The following KCNH8 variants were observed in gnomAD, a reference collection of about 807,000 sequenced individuals.
KCNH8 encodes the protein potassium voltage-gated channel subfamily H member 8.
In KCNH8, 70 loss-of-function variants were observed where a neutral mutation model predicts 103.6. The ratio of observed to expected loss-of-function variants is 0.68; its 90% confidence interval spans 0.56 to 0.82. The LOEUF (loss-of-function observed/expected upper bound fraction) is 0.82. Among genes scored for constraint, KCNH8 ranks in the 40% least tolerant of loss-of-function variants. KCNH8 has a pLI of 0.00. For missense variants in KCNH8, 1,217 were observed against 1,329.9 expected (o/e 0.92, Z 1.32); for synonymous variants, 498 against 489.4 (o/e 1.02, Z -0.23).
Position 19,322,232 on chromosome 3 carries a change from A to G in KCNH8, c.443-20355A>G, listed in dbSNP as rs192645126. On this transcript the variant is annotated intron_variant, in intron 3 of 15. Transcript: ENST00000328405. ...GAGGTACTATTCTATTCATTGTGCT[A>G]TTTGTTACGTGAATACCTTTTTTTT... 1.3e-3 allele frequency among the ~76,000 whole-genome samples: 194 copies of G among 152,048 alleles called. 4 individuals carry two copies. Among genetic ancestry groups the G allele is most frequent in the Non-Finnish European group, 9.0e-4 (61 of 67,938 alleles).
At chr3:19,281,817 T>C (rs1483787147) in intron 3 of KCNH8, among the ~76,000 whole-genome samples, 1 of 152,110 alleles carries the variant, frequency 6.6e-6, no homozygotes. Flanking sequence ...CTGTACCTTA[T>C]TGTATATAAG....
At chr3:19,490,000 T>A (rs1393163367) in intron 11 of KCNH8, among the ~76,000 whole-genome samples, 1 of 152,184 alleles carries the variant, frequency 6.6e-6, no homozygotes, top group African/African-American at 2.4e-5. Context: ...TGCCAGTTCC[T>A]TCCCGGTGTT....
chr3:19,154,005 A>C (rs2063156392), intron 1 of KCNH8, among the ~76,000 whole-genome samples: 1 of 152,196 alleles, frequency 6.6e-6, no homozygotes, highest in Non-Finnish European at 1.5e-5. Flanking sequence ...TTTGGAATAA[A>C]TCAGGATTAT....
At chr3:19,284,929 A>G (rs1213258000) in intron 3 of KCNH8, among the ~76,000 whole-genome samples, 1 of 151,520 alleles carries the variant, frequency 6.6e-6, no homozygotes, top group African/African-American at 2.4e-5. Context: ...AGAAAAGAAA[A>G]AGAAAGGAAG....
At chr3:19,348,364 C>G (rs911405476) in intron 5 of KCNH8, among the ~76,000 whole-genome samples, 1 of 144,686 alleles carries the variant, frequency 6.9e-6, no homozygotes, top group Non-Finnish European at 1.6e-5. Flanking sequence ...CATGCCCTTC[C>G]GTGCCCTTTC....
At chr3:19,351,764 A>T (rs1033558340) in intron 5 of KCNH8, among the ~76,000 whole-genome samples, 2 of 152,178 alleles carry the variant, frequency 1.3e-5, no homozygotes, top group Admixed American at 6.5e-5. Flanking sequence ...AACAACCGGT[A>T]CCAGCCACTG....
chr3:19,151,093 A>G (rs2063124489), intron 1 of KCNH8, among the ~76,000 whole-genome samples: 3 of 152,110 alleles, frequency 2.0e-5, no homozygotes, highest in Admixed American at 2.0e-4. Context: ...TTTAGCCACA[A>G]ATTTTGGTAT....
chr3:19,168,679 C>A (rs1428064446), intron 1 of KCNH8, among the ~76,000 whole-genome samples: 3 of 152,296 alleles, frequency 2.0e-5, no homozygotes, highest in Non-Finnish European at 4.4e-5. Flanking sequence ...CATGTGCCAT[C>A]TGAGTGTTTG....
At chr3:19,489,468 G>C (rs1024533145) in intron 11 of KCNH8, among the ~76,000 whole-genome samples, 1 of 152,056 alleles carries the variant, frequency 6.6e-6, no homozygotes, top group Non-Finnish European at 1.5e-5. Flanking sequence ...ATTGATCTGG[G>C]TGCCCTGGCT....
At chr3:19,472,952 T>C (rs2067894041) in intron 11 of KCNH8, among the ~76,000 whole-genome samples, 1 of 152,244 alleles carries the variant, frequency 6.6e-6, no homozygotes, top group Non-Finnish European at 1.5e-5. Flanking sequence ...TTAAGTATTA[T>C]GAGCAAGGTA....
At chr3:19,222,098 C>T (rs919825085) in intron 1 of KCNH8, among the ~76,000 whole-genome samples, 1 of 152,142 alleles carries the variant, frequency 6.6e-6, no homozygotes, top group African/African-American at 2.4e-5. Context: ...ATCCTCCCGC[C>T]TCGGCCTCCC....
intron 1 of KCNH8, among the ~76,000 whole-genome samples, chr3:19,209,010 A>ATGTCTATATCTATACCTGTCTCTCC (rs1230951697): frequency 6.6e-6 from 1 of 151,962 alleles, no homozygotes; most frequent in Admixed American, 6.6e-5. Flanking sequence ...ATCTATATTT[A>ATGTCTATATCTATACCTGTCTCTCC]TGTCTATATC....
At chr3:19,273,069 A>T (rs2064612707) in intron 2 of KCNH8, among the ~76,000 whole-genome samples, 1 of 152,160 alleles carries the variant, frequency 6.6e-6, no homozygotes, top group African/African-American at 2.4e-5. Flanking sequence ...TTTGGATCCT[A>T]AACTAGATAA....
At chr3:19,440,250 A>G (rs2067262493) in intron 8 of KCNH8, among the ~76,000 whole-genome samples, 2 of 152,200 alleles carry the variant, frequency 1.3e-5, no homozygotes, top group South Asian at 4.1e-4. Flanking sequence ...TTAAGCAAGA[A>G]GAAGAGAACT....
intron 2 of KCNH8, among the ~76,000 whole-genome samples, chr3:19,274,286 T>C (rs183601547): frequency 9.4e-4 from 143 of 152,280 alleles, no homozygotes; most frequent in Non-Finnish European, 1.1e-3. Flanking sequence ...GAAATTTAAA[T>C]ATAATACATG....
intron 7 of KCNH8, among the ~76,000 whole-genome samples, chr3:19,430,705 A>G (rs1006920434): frequency 3.3e-5 from 5 of 152,022 alleles, no homozygotes; most frequent in Non-Finnish European, 5.9e-5. Flanking sequence ...TCATCTCTCT[A>G]GTTAGCTGTA....
chr3:19,515,757 T>C (rs1050587935), intron 14 of KCNH8, among the ~76,000 whole-genome samples: 1 of 152,030 alleles, frequency 6.6e-6, no homozygotes, highest in East Asian at 1.9e-4. Context: ...AAAAACATTA[T>C]CTAGAGGAAA....
In KCNH8 at chr3:19,250,116, A is replaced by G. The variant is rs553894126; in HGVS notation, c.77-3538A>G. On this transcript the variant is annotated intron_variant, in intron 1 of 15. Coordinates refer to ENST00000328405, the MANE Select transcript of KCNH8 (RefSeq NM_144633.3). ...TTTTTAACGTATAATCTCTACAGAGAAAAATCTGTGTGGTAGTGTGTGCCT... is the reference window on the plus strand; with the variant it reads ...TTTTTAACGTATAATCTCTACAGAGGAAAATCTGTGTGGTAGTGTGTGCCT... Among the ~76,000 whole-genome samples, 3 of 152,206 alleles carry G rather than the reference A, an allele frequency of 2.0e-5. No homozygotes were observed. The South Asian group carries it at 6.2e-4, about 32-fold the overall frequency.
At chr3:19,167,800 A>G (rs954910442) in intron 1 of KCNH8, among the ~76,000 whole-genome samples, 1 of 152,150 alleles carries the variant, frequency 6.6e-6, no homozygotes, top group African/African-American at 2.4e-5. Context: ...ACAACCAGAA[A>G]TTTAACATTG....
Sources: allele counts gnomAD v4.1 joint callset (sites outside exome capture counted in the v4.1 genomes callset), GRCh38; gene constraint gnomAD v4.1.1; transcripts MANE v1.5; gene names NCBI Gene and HGNC (gene_info 2026-07-23, HGNC 2026-07-21).